HCRTR2: variants seen among roughly 807,000 people sequenced by gnomAD.
HCRTR2 encodes the protein hypocretin receptor 2.
In HCRTR2, 22 loss-of-function variants were observed where a neutral mutation model predicts 49.0. The observed-to-expected ratio is 0.45, with a 90% CI of 0.32 to 0.64. HCRTR2 has a LOEUF of 0.64. Among genes scored for constraint, HCRTR2 ranks in the 30% least tolerant of loss-of-function variants. The probability of loss-of-function intolerance (pLI) is 0.04; values close to 1 mark genes in which losing one functional copy is unlikely to be tolerated. For synonymous variants in HCRTR2, 236 were observed against 205.3 expected, an observed-to-expected ratio of 1.15 and a Z score of -1.28; for missense variants, 491 against 559.4, an observed-to-expected ratio of 0.88 and a Z score of 1.23.
At chr6:55,196,553 C>G (rs1765421187) in intron 1 of HCRTR2, among the ~76,000 whole-genome samples, 1 of 152,160 alleles carries the variant, frequency 6.6e-6, no homozygotes, top group South Asian at 2.1e-4. Flanking sequence ...AACCATGATA[C>G]TAGTTTTAGA....
chr6:55,174,525 A>T lies in HCRTR2; in HGVS notation c.-63A>T. Reference sequence around the variant, plus strand: ...GCAGCCTTTCCCACCGCAAATCACCAGTGCTCATGGGGCAGGCGGAGAGGA... The same window carrying T: ...GCAGCCTTTCCCACCGCAAATCACCTGTGCTCATGGGGCAGGCGGAGAGGA... On this transcript the variant is annotated 5_prime_UTR_variant, in exon 1 of 7. Coordinates refer to ENST00000370862, the MANE Select transcript of HCRTR2 (RefSeq NM_001384272.1). 1.5e-6 allele frequency: 2 copies of T among 1,340,724 alleles called. No individual in the cohort carries two copies. Among genetic ancestry groups the T allele is most frequent in the African/African-American group, 1.4e-5 (1 of 69,502 alleles). 83.1% of individuals were successfully genotyped at this position (1,340,724 alleles called of 1,614,324 possible). A position where few individuals can be genotyped will look rare whatever the true frequency, so the allele number is the denominator to read the frequency against.
chr6:55,244,969 G>A (rs944902749), intron 1 of HCRTR2, among the ~76,000 whole-genome samples: 5 of 152,040 alleles, frequency 3.3e-5, no homozygotes, highest in Non-Finnish European at 7.4e-5. Context: ...TAAATTGCCT[G>A]TAGGTATGTG....
At chr6:55,174,194 T>G (rs1280124500), upstream of HCRTR2, 1 of 190,476 alleles carries the variant, frequency 5.3e-6, no homozygotes, top group East Asian at 1.5e-4. Flanking sequence ...TTTCATTACT[T>G]TTTTTTTTTT....
intron 1 of HCRTR2, among the ~76,000 whole-genome samples, chr6:55,137,872 A>G (rs927757862): frequency 1.3e-5 from 2 of 152,246 alleles, no homozygotes; most frequent in Non-Finnish European, 2.9e-5. Flanking sequence ...TGAGGTTTAT[A>G]TAAATTTTAA....
chr6:55,213,467 C>T (rs895806288), intron 1 of HCRTR2, among the ~76,000 whole-genome samples: 7 of 152,252 alleles, frequency 4.6e-5, no homozygotes, highest in African/African-American at 7.2e-5. Context: ...GACCTCCTTC[C>T]GTCCATGGAA....
chr6:55,225,834 A>G (rs1191471017), intron 1 of HCRTR2, among the ~76,000 whole-genome samples: 1 of 152,376 alleles, frequency 6.6e-6, no homozygotes, highest in Non-Finnish European at 1.5e-5. Context: ...GTATAAATGT[A>G]ATTAAATGCC....
In HCRTR2 at chr6:55,268,525, AAGT is replaced by A. The variant is rs1031721241; in HGVS notation, c.762+4708_762+4710del. 1.6e-3 allele frequency among the ~76,000 whole-genome samples: 238 copies of A among 152,242 alleles called. 1 individual carries two copies. Among genetic ancestry groups the A allele is most frequent in the African/African-American group, 5.4e-3 (226 of 41,558 alleles). On this transcript the variant is annotated intron_variant, in intron 4 of 6. Coordinates refer to ENST00000370862, the MANE Select transcript of HCRTR2 (RefSeq NM_001384272.1). ...AAATAGGTTAAATGTAAAATAACAGAAGTAGTACTAAAATAATCACAAAAAGGG... is the reference window on the plus strand; with the variant it reads ...AAATAGGTTAAATGTAAAATAACAGAAGTACTAAAATAATCACAAAAAGGG...
chr6:55,168,268 T>C (rs1490476467), intron 1 of HCRTR2, among the ~76,000 whole-genome samples: 2 of 152,204 alleles, frequency 1.3e-5, no homozygotes, highest in Non-Finnish European at 2.9e-5. Flanking sequence ...TCCCCTATAA[T>C]TCTACTTTTC....
At chr6:55,176,436 C>A (rs1417620281) in intron 1 of HCRTR2, among the ~76,000 whole-genome samples, 1 of 151,958 alleles carries the variant, frequency 6.6e-6, no homozygotes, top group African/African-American at 2.4e-5. Context: ...TTCTTGTTAC[C>A]CATCCTTAGG....
intron 4 of HCRTR2, among the ~76,000 whole-genome samples, chr6:55,267,129 A>G (rs757022049): frequency 6.6e-6 from 1 of 152,054 alleles, no homozygotes; most frequent in Non-Finnish European, 1.5e-5. Flanking sequence ...TGCTTGAGCA[A>G]CTCTCAATTT....
chr6:55,141,623 T>A (rs1764508950), intron 1 of HCRTR2, among the ~76,000 whole-genome samples: 1 of 152,154 alleles, frequency 6.6e-6, no homozygotes, highest in Non-Finnish European at 1.5e-5. Flanking sequence ...TAAAGATATA[T>A]CCCAAATGGA....
At chr6:55,210,481 A>C (rs1201544386) in intron 1 of HCRTR2, among the ~76,000 whole-genome samples, 1 of 152,176 alleles carries the variant, frequency 6.6e-6, no homozygotes, top group Non-Finnish European at 1.5e-5. Context: ...TAAAATTTAT[A>C]CTACAAATTC....
intron 1 of HCRTR2, among the ~76,000 whole-genome samples, chr6:55,144,154 C>G (rs1447001059): frequency 8.0e-6 from 1 of 124,972 alleles, no homozygotes; most frequent in Admixed American, 9.3e-5. Flanking sequence ...CTGTTGTTGC[C>G]CAGGCTGGAG....
chr6:55,174,192 C>CT (rs1200943273), upstream of HCRTR2: 2,846 of 175,448 alleles, frequency 0.016, 9 homozygotes, highest in Middle Eastern at 0.041. Context: ...GTTTTCATTA[C>CT]TTTTTTTTTT....
intron 1 of HCRTR2, among the ~76,000 whole-genome samples, chr6:55,167,231 T>G (rs558419495): frequency 1.3e-5 from 2 of 152,312 alleles, no homozygotes; most frequent in East Asian, 3.9e-4. Context: ...GTGGGATCGC[T>G]TCCACAGTGC....
In HCRTR2 at chr6:55,174,524, C is replaced by T; in HGVS notation, c.-64C>T. 1.5e-6 allele frequency: 2 copies of T among 1,334,420 alleles called. No individual in the cohort carries two copies. The highest frequency in any genetic ancestry group is 2.2e-6 in the Non-Finnish European group (2 of 925,284). 82.7% of individuals were successfully genotyped at this position (1,334,420 alleles called of 1,614,324 possible). On this transcript the variant is annotated 5_prime_UTR_variant, in exon 1 of 7. Transcript: ENST00000370862. ...CGCAGCCTTTCCCACCGCAAATCAC[C>T]AGTGCTCATGGGGCAGGCGGAGAGG... is the stretch of plus-strand genomic sequence containing the variant.
At chr6:55,173,702 T>C (rs1314098334), upstream of HCRTR2, among the ~76,000 whole-genome samples, 1 of 152,210 alleles carries the variant, frequency 6.6e-6, no homozygotes, top group East Asian at 1.9e-4. Context: ...ACTATGATCA[T>C]ATTTATGACA....
At chr6:55,187,923 C>T (rs1056257727) in intron 1 of HCRTR2, among the ~76,000 whole-genome samples, 4 of 151,890 alleles carry the variant, frequency 2.6e-5, no homozygotes, top group African/African-American at 9.7e-5. Flanking sequence ...ACTACAGGCG[C>T]ACGCCACCAT....
chr6:55,284,022 T>C (rs1767241408), downstream of HCRTR2, among the ~76,000 whole-genome samples: 1 of 152,200 alleles, frequency 6.6e-6, no homozygotes, highest in Non-Finnish European at 1.5e-5. Flanking sequence ...CTTTGTATAT[T>C]TTAGAACTTC....
Sources: gnomAD v4.1 joint callset for allele counts (sites outside exome capture counted in the v4.1 genomes callset) on GRCh38, gnomAD v4.1.1 for gene constraint, MANE v1.5 for transcripts, NCBI Gene and HGNC (gene_info 2026-07-23, HGNC 2026-07-21) for gene names.